Variants in DMBT1 observed in about 807,000 individuals in gnomAD.
DMBT1 encodes scavenger receptor cysteine-rich domain-containing protein DMBT1.
Under a neutral mutation model 252.9 loss-of-function variants are expected in DMBT1, and 198 were observed. That is an observed-to-expected ratio of 0.78 (90% confidence interval 0.70 to 0.88). The LOEUF (loss-of-function observed/expected upper bound fraction) is 0.88, where lower values mean the gene tolerates loss of function less well. Ranked by LOEUF, DMBT1 falls within the 40% of genes least tolerant of loss-of-function variation. The pLI is 0.00. For synonymous variants in DMBT1, 990 were observed against 942.7 expected (o/e 1.05, Z -0.92); for missense variants, 2,432 against 2,404.7 (o/e 1.01, Z -0.24).
chr10:122,619,083 A>G (rs2098034296), intron 41 of DMBT1, among the ~76,000 whole-genome samples: 1 of 152,214 alleles, frequency 6.6e-6, no homozygotes, highest in Non-Finnish European at 1.5e-5. Flanking sequence ...CACCCTGGGC[A>G]GACACAAAGT....
intron 52 of DMBT1, among the ~76,000 whole-genome samples, chr10:122,634,457 TCTCTCTCTC>T (rs2098207094): frequency 9.9e-6 from 1 of 100,606 alleles, no homozygotes; most frequent in African/African-American, 5.4e-5. Context: ...TCTCTCTCTC[TCTCTCTCTC>T]TCTCTCTCTC....
intron 10 of DMBT1, among the ~76,000 whole-genome samples, chr10:122,580,516 G>C (rs1424018390): frequency 2.6e-5 from 4 of 152,234 alleles, no homozygotes; most frequent in African/African-American, 9.6e-5. Flanking sequence ...GTCATTGCCT[G>C]TGATTGGGGC....
chr10:122,617,541 A>T (rs2098004971), intron 40 of DMBT1, among the ~76,000 whole-genome samples: 1 of 151,370 alleles, frequency 6.6e-6, no homozygotes, highest in South Asian at 2.1e-4. Flanking sequence ...TCCTGCTGGG[A>T]CCTCTTTCCT....
rs141942373 is a variant in DMBT1 at position 122,566,223 on chromosome 10, C to A, written c.91+227C>A. On this transcript the variant is annotated intron_variant, in intron 2 of 55. Transcript: ENST00000338354. The stretch of plus-strand genomic sequence containing the variant: ...CATTCTCCTTCCTCTTGCTCTCTGA[C>A]TCTCAGTCATTTATCAGATGAGGTT... Among the ~76,000 whole-genome samples the A allele has an allele frequency of 3.2e-4, 49 of 152,348 alleles. No individual in the cohort carries two copies. The East Asian group carries it at 7.1e-3, about 22-fold the overall frequency.
intron 16 of DMBT1, 87 bp downstream of exon 16, chr10:122,586,470 CT>C: frequency 6.6e-7 from 1 of 1,518,326 alleles, no homozygotes; most frequent in Non-Finnish European, 8.9e-7. Flanking sequence ...TCACTTAGAG[CT>C]TTTTCAACTT....
intron 55 of DMBT1, 140 bp from the exon 56 acceptor site, chr10:122,642,982 C>G: frequency 8.7e-7 from 1 of 1,151,680 alleles, no homozygotes; most frequent in Non-Finnish European, 1.2e-6. Flanking sequence ...CTGATCCACA[C>G]GTTCTGACAG....
At position 122,633,034 on chromosome 10, in the gene DMBT1, G is replaced by A. The variant is rs565856804; in HGVS notation, c.6397+144G>A. On this transcript the variant is annotated intron_variant, in intron 51 of 55. Coordinates refer to ENST00000338354, the MANE Select transcript of DMBT1 (RefSeq NM_001377530.1). ...AAGAGTGCCCTGCCAGCCCTCAGTG[G>A]ACGGTCCAGATCTAGGCCACCTCTT... 189 of 1,510,722 alleles carry A rather than the reference G, an allele frequency of 1.3e-4. 2 individuals are homozygous for A. The South Asian group carries it at 2.0e-3, about 16-fold the overall frequency. 93.6% of individuals were successfully genotyped at this position (1,510,722 alleles called of 1,614,324 possible). A position where few individuals can be genotyped will look rare whatever the true frequency, so the allele number is the denominator to read the frequency against.
At chr10:122,634,605 TCCTGC>T (rs1315205952) in intron 52 of DMBT1, among the ~76,000 whole-genome samples, 2 of 151,902 alleles carry the variant, frequency 1.3e-5, no homozygotes, top group Admixed American at 1.3e-4. Flanking sequence ...CAAGCGATTC[TCCTGC>T]CTCAGCCTTT....
At chr10:122,628,540 G>A (rs1023187123) in intron 46 of DMBT1, among the ~76,000 whole-genome samples, 3 of 152,150 alleles carry the variant, frequency 2.0e-5, no homozygotes, top group Non-Finnish European at 2.9e-5. Flanking sequence ...GGAAGCTGGG[G>A]CAGGAGAATC....
intron 4 of DMBT1, among the ~76,000 whole-genome samples, chr10:122,571,717 T>C (rs747627541): frequency 1.3e-5 from 2 of 152,166 alleles, no homozygotes; most frequent in African/African-American, 2.4e-5. Context: ...CTGGTGAAAC[T>C]GTCTACTTCT....
At position 122,633,223 on chromosome 10, in the gene DMBT1, C is replaced by T. The variant is rs745901681; in HGVS notation, c.6430C>T (p.Pro2144Ser). The change falls in exon 52 of 56, where the codon CCA (proline) becomes TCA (serine). Residue 2144 changes from proline to serine, a missense_variant. Coordinates refer to ENST00000338354, the MANE Select transcript of DMBT1 (RefSeq NM_001377530.1). ...DYSCGGFLSQ[P>S]SGDFSSPFYP... Reference sequence around the variant, plus strand: ...TTCCTGCGGAGGCTTCCTATCCCAACCATCAGGGGACTTTTCCAGCCCATT... The same window carrying T: ...TTCCTGCGGAGGCTTCCTATCCCAATCATCAGGGGACTTTTCCAGCCCATT... The T allele has an allele frequency of 2.5e-6, 4 of 1,613,922 alleles. No individual in the cohort carries two copies. Among genetic ancestry groups the T allele is most frequent in the Admixed American group, 3.3e-5 (2 of 60,004 alleles).
intron 14 of DMBT1, among the ~76,000 whole-genome samples, chr10:122,584,825 G>A: frequency 6.7e-6 from 1 of 149,224 alleles, no homozygotes; most frequent in Non-Finnish European, 1.5e-5. Context: ...CGCTACATGT[G>A]CATCCAGAAG....
At chr10:122,632,143 A>G (rs1591559907) in intron 50 of DMBT1, among the ~76,000 whole-genome samples, 2 of 152,220 alleles carry the variant, frequency 1.3e-5, no homozygotes, top group African/African-American at 4.8e-5. Flanking sequence ...CACAGACACC[A>G]GACCCTGACC....
chr10:122,638,400 G>A (rs963769558), intron 54 of DMBT1, among the ~76,000 whole-genome samples: 4 of 152,122 alleles, frequency 2.6e-5, no homozygotes, highest in Non-Finnish European at 5.9e-5. Context: ...AATAGCACAC[G>A]CCACATTCTT....
At chr10:122,632,676 G>C (rs2098175357) in intron 50 of DMBT1, among the ~76,000 whole-genome samples, 185 bp from the exon 51 acceptor site, 1 of 152,060 alleles carries the variant, frequency 6.6e-6, no homozygotes, top group Non-Finnish European at 1.5e-5. Flanking sequence ...CCTTTTCCCA[G>C]TGTGCTGGGA....
At position 122,585,416 on chromosome 10, in the gene DMBT1, T is replaced by A. The variant is rs541544423; in HGVS notation, c.1459+107T>A. ...TCAAGGTGGGCCCCTCTGTTTTTCA[T>A]GTCCCTGTGGGTTGCATGGGAGGAA... On this transcript the variant is annotated intron_variant, in intron 15 of 55. Transcript: ENST00000338354. 54 of 1,386,798 alleles carry A rather than the reference T, an allele frequency of 3.9e-5. 5 individuals are homozygous for A. Among genetic ancestry groups the A allele is most frequent in the Non-Finnish European group, 5.3e-5 (53 of 998,986 alleles). 85.9% of individuals were successfully genotyped at this position (1,386,798 alleles called of 1,614,324 possible). A position where few individuals can be genotyped will look rare whatever the true frequency, so the allele number is the denominator to read the frequency against.
intron 42 of DMBT1, among the ~76,000 whole-genome samples, chr10:122,619,750 G>A (rs2133635009): frequency 6.6e-6 from 1 of 152,306 alleles, no homozygotes; most frequent in Admixed American, 6.5e-5. Flanking sequence ...CAATGTCAGT[G>A]CAGGCCTGAT....
At chr10:122,585,892 C>T (rs1046493233) in intron 15 of DMBT1, among the ~76,000 whole-genome samples, 168 bp from the exon 16 acceptor site, 3 of 148,952 alleles carry the variant, frequency 2.0e-5, no homozygotes, top group Non-Finnish European at 4.5e-5. Flanking sequence ...CCAGGCAGAA[C>T]TGCTTCTTTG....
Position 122,580,302 on chromosome 10 carries a change from T to A in DMBT1, c.1003+401T>A, listed in dbSNP as rs117790042. The stretch of plus-strand genomic sequence containing the variant: ...TAAAGATGCTTGGCTAAAAGTGGGT[T>A]CTCAGCTGAGACCCAGTGAGGAGGT... On this transcript the variant is annotated intron_variant, in intron 10 of 55. Coordinates refer to ENST00000338354, the MANE Select transcript of DMBT1 (RefSeq NM_001377530.1). Among the ~76,000 whole-genome samples the A allele has an allele frequency of 5.6e-3, 850 of 152,296 alleles. 47 individuals are homozygous for A. The East Asian group carries it at 0.13, about 24-fold the overall frequency.
Sources: allele counts gnomAD v4.1 joint callset (sites outside exome capture counted in the v4.1 genomes callset), GRCh38; gene constraint gnomAD v4.1.1; transcripts MANE v1.5; gene names NCBI Gene and HGNC (gene_info 2026-07-23, HGNC 2026-07-21).